HHAT: variants seen among roughly 807,000 people sequenced by gnomAD.
HHAT encodes hedgehog acyltransferase, also known as protein-cysteine N-palmitoyltransferase HHAT.
Under a neutral mutation model 70.8 loss-of-function variants are expected in HHAT, and 47 were observed. The ratio of observed to expected loss-of-function variants is 0.66; its 90% CI spans 0.53 to 0.85. The LOEUF is 0.85. HHAT is among the 40% of genes least tolerant of loss of function. The pLI is 0.00. For synonymous variants in HHAT, 228 were observed against 247.6 expected, an observed-to-expected ratio of 0.92 and a Z score of 0.74; for missense variants, 609 against 604.8, an observed-to-expected ratio of 1.01 and a Z score of -0.07.
chr1:210,366,292 C>T (rs1364612926), intron 3 of HHAT, among the ~76,000 whole-genome samples: 1 of 152,100 alleles, frequency 6.6e-6, no homozygotes, highest in African/African-American at 2.4e-5. Context: ...TCCCTGGACT[C>T]TACCTAGTAG....
intron 3 of HHAT, among the ~76,000 whole-genome samples, chr1:210,386,947 G>C (rs1054892009): frequency 2.0e-5 from 3 of 152,092 alleles, no homozygotes; most frequent in African/African-American, 7.2e-5. Context: ...AAATTATTCT[G>C]TCTGTAAATG....
At chr1:210,441,115 A>G (rs1398804433) in intron 7 of HHAT, among the ~76,000 whole-genome samples, 2 of 152,212 alleles carry the variant, frequency 1.3e-5, no homozygotes, top group Admixed American at 6.5e-5. Flanking sequence ...CACTGCCACT[A>G]GAGTGTGCTT....
At chr1:210,608,587 A>C (rs543093851) in intron 10 of HHAT, among the ~76,000 whole-genome samples, 5 of 151,416 alleles carry the variant, frequency 3.3e-5, no homozygotes, top group South Asian at 2.1e-4. Context: ...GTTCCCCAAA[A>C]CTCTGTTTGG....
intron 4 of HHAT, among the ~76,000 whole-genome samples, chr1:210,391,703 T>C (rs1029129073): frequency 6.6e-6 from 1 of 152,256 alleles, no homozygotes; most frequent in African/African-American, 2.4e-5. Flanking sequence ...TAACATTCTA[T>C]GCTTTCTAGT....
At chr1:210,616,569 G>C (rs1244357411) in intron 10 of HHAT, among the ~76,000 whole-genome samples, 1 of 152,166 alleles carries the variant, frequency 6.6e-6, no homozygotes, top group East Asian at 1.9e-4. Flanking sequence ...TGGGATACAT[G>C]CACGACATAT....
intron 11 of HHAT, among the ~76,000 whole-genome samples, chr1:210,669,534 C>T (rs1360866508): frequency 6.6e-6 from 1 of 152,214 alleles, no homozygotes; most frequent in East Asian, 1.9e-4. Context: ...CTGCAATTAG[C>T]TATATCTGTC....
intron 1 of HHAT, among the ~76,000 whole-genome samples, chr1:210,334,471 G>A (rs1371896769): frequency 6.6e-6 from 1 of 151,928 alleles, no homozygotes; most frequent in Non-Finnish European, 1.5e-5. Flanking sequence ...GTGCATTACT[G>A]ATAGCAGTTT....
chr1:210,649,749 C>T (rs919397087), intron 11 of HHAT, among the ~76,000 whole-genome samples: 2 of 152,168 alleles, frequency 1.3e-5, no homozygotes, highest in Admixed American at 1.3e-4. Context: ...TTTGGGGATC[C>T]AGGTCAGCAT....
chr1:210,350,138 CT>C (rs1558329176), intron 2 of HHAT, among the ~76,000 whole-genome samples: 3 of 152,154 alleles, frequency 2.0e-5, no homozygotes, highest in African/African-American at 7.2e-5. Flanking sequence ...TATTCTGGGT[CT>C]TTTGCCTGTC....
At chr1:210,421,912 A>C (rs1238058665) in intron 7 of HHAT, among the ~76,000 whole-genome samples, 1 of 152,020 alleles carries the variant, frequency 6.6e-6, no homozygotes, top group Non-Finnish European at 1.5e-5. Flanking sequence ...TAATGTTTTT[A>C]TGTTGTTTTT....
chr1:210,620,049 T>G (rs1015468362), intron 10 of HHAT, among the ~76,000 whole-genome samples: 2 of 148,842 alleles, frequency 1.3e-5, no homozygotes, highest in Admixed American at 1.3e-4. Context: ...ACTTAACACA[T>G]GAGGCATGCC....
intron 10 of HHAT, among the ~76,000 whole-genome samples, chr1:210,592,966 G>A (rs1662095281): frequency 6.6e-6 from 1 of 151,396 alleles, no homozygotes; most frequent in Non-Finnish European, 1.5e-5. Context: ...TGCCATGTTG[G>A]TGTGCTGCAC....
intron 9 of HHAT, among the ~76,000 whole-genome samples, chr1:210,579,654 G>A (rs185096108): frequency 2.0e-5 from 3 of 152,300 alleles, no homozygotes; most frequent in African/African-American, 7.2e-5. Flanking sequence ...TGACAAGTTC[G>A]AGGTTACAGA....
intron 3 of HHAT, among the ~76,000 whole-genome samples, chr1:210,382,072 C>T (rs2090680129): frequency 6.6e-6 from 1 of 152,098 alleles, no homozygotes; most frequent in Non-Finnish European, 1.5e-5. Flanking sequence ...AGCTAAGAGG[C>T]TGAGAGTGAG....
intron 7 of HHAT, among the ~76,000 whole-genome samples, chr1:210,434,724 A>G (rs1406069583): frequency 1.3e-5 from 2 of 151,832 alleles, no homozygotes; most frequent in East Asian, 3.8e-4. Context: ...ACACCTTTAT[A>G]TTAAATAGAA....
chr1:210,624,035 C>T (rs77842972), intron 11 of HHAT, among the ~76,000 whole-genome samples: 1 of 152,152 alleles, frequency 6.6e-6, no homozygotes, highest in Non-Finnish European at 1.5e-5. Flanking sequence ...GAAACTTAAT[C>T]CCCAATTGGC....
chr1:210,472,991 G>C (rs1457615628), intron 8 of HHAT, among the ~76,000 whole-genome samples: 1 of 152,142 alleles, frequency 6.6e-6, no homozygotes, highest in Non-Finnish European at 1.5e-5. Flanking sequence ...GCTGCTCTTA[G>C]AGGCAATAGA....
intron 9 of HHAT, among the ~76,000 whole-genome samples, chr1:210,535,644 G>A (rs989035434): frequency 6.6e-6 from 1 of 151,834 alleles, no homozygotes; most frequent in African/African-American, 2.4e-5. Flanking sequence ...TACTTTGAGC[G>A]ACACTCTTGC....
chr1:210,428,416 G>C (rs2093142788), intron 7 of HHAT, among the ~76,000 whole-genome samples: 1 of 145,824 alleles, frequency 6.9e-6, no homozygotes, highest in Non-Finnish European at 1.5e-5. Flanking sequence ...TTTCGTTCTT[G>C]TTTGATACCC....
Sources: gnomAD v4.1 joint callset for allele counts (sites outside exome capture counted in the v4.1 genomes callset) on GRCh38, gnomAD v4.1.1 for gene constraint, MANE v1.5 for transcripts, NCBI Gene and HGNC (gene_info 2026-07-23, HGNC 2026-07-21) for gene names.